TENM4: variants seen among roughly 807,000 people sequenced by gnomAD.
TENM4 encodes teneurin transmembrane protein 4.
Under a neutral mutation model 243.3 loss-of-function variants are expected in TENM4, and 82 were observed. That is an observed-to-expected ratio of 0.34 (90% confidence interval 0.28 to 0.40). The LOEUF (loss-of-function observed/expected upper bound fraction) is 0.40. TENM4 is among the 10% of genes least tolerant of loss of function. The probability of loss-of-function intolerance (pLI) is 1.00; values close to 1 mark genes in which losing one functional copy is unlikely to be tolerated. For missense variants in TENM4, 3,138 were observed against 3,673.3 expected (o/e 0.85, Z 3.77); for synonymous variants, 1,412 against 1,456.3 (o/e 0.97, Z 0.69).
chr11:78,988,858 G>A (rs1857977985), intron 6 of TENM4, among the ~76,000 whole-genome samples: 1 of 152,128 alleles, frequency 6.6e-6, no homozygotes, highest in Non-Finnish European at 1.5e-5. Context: ...TTACTTTTTT[G>A]TGGAGACAGG....
chr11:79,018,891 T>A (rs1019990639), intron 6 of TENM4, among the ~76,000 whole-genome samples: 4 of 152,230 alleles, frequency 2.6e-5, no homozygotes, highest in Non-Finnish European at 5.9e-5. Flanking sequence ...CTTATTCATT[T>A]CACAGAGGGG....
At chr11:79,110,315 T>C (rs1347496830) in intron 4 of TENM4, among the ~76,000 whole-genome samples, 1 of 152,190 alleles carries the variant, frequency 6.6e-6, no homozygotes, top group Non-Finnish European at 1.5e-5. Context: ...CTGGTGCTGT[T>C]TGTCTCACAC....
chr11:79,134,156 A>G (rs1004462792), intron 4 of TENM4, among the ~76,000 whole-genome samples: 1 of 152,192 alleles, frequency 6.6e-6, no homozygotes, highest in Non-Finnish European at 1.5e-5. Flanking sequence ...AAGTTTCCAG[A>G]TAGAAGATTA....
intron 2 of TENM4, among the ~76,000 whole-genome samples, chr11:79,271,140 G>A (rs945903386): frequency 6.6e-6 from 1 of 152,134 alleles, no homozygotes; most frequent in African/African-American, 2.4e-5. Context: ...ACAGGTACTT[G>A]TATGCCTTTC....
chr11:78,674,841 T>C (rs1171824513), intron 30 of TENM4, among the ~76,000 whole-genome samples: 1 of 151,970 alleles, frequency 6.6e-6, no homozygotes, highest in Non-Finnish European at 1.5e-5. Context: ...TCACTTACTG[T>C]TTCTGTAGCT....
intron 14 of TENM4, among the ~76,000 whole-genome samples, chr11:78,808,854 T>C: frequency 6.6e-6 from 1 of 152,232 alleles, no homozygotes; most frequent in South Asian, 2.1e-4. Flanking sequence ...TAAATTCTCA[T>C]GACCTGCCTC....
intron 4 of TENM4, among the ~76,000 whole-genome samples, chr11:79,074,766 C>T (rs191224126): frequency 5.3e-4 from 81 of 152,258 alleles, no homozygotes; most frequent in African/African-American, 1.8e-3. Context: ...GTGTGTCTTC[C>T]CTGCCCCCAC....
At chr11:78,913,147 A>G (rs150005084) in intron 6 of TENM4, among the ~76,000 whole-genome samples, 400 of 152,356 alleles carry the variant, frequency 2.6e-3, no homozygotes, top group Non-Finnish European at 4.9e-3. Context: ...GTGACTGGGC[A>G]CCAAACAAGG....
intron 1 of TENM4, among the ~76,000 whole-genome samples, chr11:79,336,695 T>C (rs1293944935): frequency 6.6e-6 from 1 of 152,206 alleles, no homozygotes; most frequent in Non-Finnish European, 1.5e-5. Flanking sequence ...ATGCAATAAT[T>C]AAGGTATGTA....
chr11:79,174,645 G>A (rs564717350), intron 3 of TENM4, among the ~76,000 whole-genome samples: 12 of 152,344 alleles, frequency 7.9e-5, no homozygotes, highest in Non-Finnish European at 8.8e-5. Context: ...GAGGTGTGAG[G>A]AGGTTGGGAG....
intron 6 of TENM4, among the ~76,000 whole-genome samples, chr11:79,023,386 C>G (rs185514363): frequency 2.6e-5 from 4 of 152,014 alleles, no homozygotes; most frequent in East Asian, 3.9e-4. Context: ...ATGGCAAAAC[C>G]CCGTCTCTAC....
At chr11:79,370,982 A>G (rs1857773728) in intron 1 of TENM4, among the ~76,000 whole-genome samples, 1 of 152,166 alleles carries the variant, frequency 6.6e-6, no homozygotes. Flanking sequence ...TGATAAATGG[A>G]CAAAGGATGT....
At chr11:78,671,477 T>C (rs1032509777) in intron 31 of TENM4, among the ~76,000 whole-genome samples, 1 of 152,238 alleles carries the variant, frequency 6.6e-6, no homozygotes, top group African/African-American at 2.4e-5. Flanking sequence ...GATCAGCAGA[T>C]AAAAGGCCTA....
At chr11:79,322,196 C>T (rs1275897031) in intron 1 of TENM4, among the ~76,000 whole-genome samples, 1 of 151,978 alleles carries the variant, frequency 6.6e-6, no homozygotes, top group African/African-American at 2.4e-5. Context: ...CAAAGTCTTA[C>T]TCTTCCCTTC....
chr11:78,871,821 C>A (rs1208060516), intron 9 of TENM4, among the ~76,000 whole-genome samples: 4 of 152,074 alleles, frequency 2.6e-5, no homozygotes, highest in African/African-American at 9.7e-5. Context: ...CATCTCTGCC[C>A]CCCCAGAACC....
At chr11:79,410,144 C>T (rs879325907) in intron 1 of TENM4, among the ~76,000 whole-genome samples, 1 of 152,180 alleles carries the variant, frequency 6.6e-6, no homozygotes, top group South Asian at 2.1e-4. Flanking sequence ...CTGCAGGCTG[C>T]GGGTTGGACA....
chr11:78,958,329 T>C (rs1464459089), intron 6 of TENM4, among the ~76,000 whole-genome samples: 1 of 152,224 alleles, frequency 6.6e-6, no homozygotes, highest in African/African-American at 2.4e-5. Context: ...ATGAGAACAA[T>C]TCACGAAACA....
At position 78,736,445 on chromosome 11, in the gene TENM4, A is replaced by AGTGTGT. The variant is rs3223449; in HGVS notation, c.2876+2000_2876+2005dup. Among the ~76,000 whole-genome samples, 1,367 of 145,242 alleles carry AGTGTGT rather than the reference A, an allele frequency of 9.4e-3. 11 individuals are homozygous for AGTGTGT. The highest frequency in any genetic ancestry group is 0.024 in the East Asian group (115 of 4,796). ...AGGTGTGAAGTCTGGGATTTCAGCA[A>AGTGTGT]GTGTGTGTGTGTGTGTGTGTGTGTG... On this transcript the variant is annotated intron_variant, in intron 20 of 33. Coordinates refer to ENST00000278550, the MANE Select transcript of TENM4 (RefSeq NM_001098816.3).
At chr11:79,061,924 C>A (rs532144597) in intron 6 of TENM4, among the ~76,000 whole-genome samples, 2 of 151,314 alleles carry the variant, frequency 1.3e-5, no homozygotes, top group Admixed American at 6.6e-5. Context: ...ATAGCTAAAG[C>A]AGTTAGCACT....
Sources: allele counts gnomAD v4.1 joint callset (sites outside exome capture counted in the v4.1 genomes callset), GRCh38; gene constraint gnomAD v4.1.1; transcripts MANE v1.5; gene names NCBI Gene and HGNC (gene_info 2026-07-23, HGNC 2026-07-21).